Variants in PCNX2 observed in about 807,000 individuals in gnomAD.
PCNX2 encodes the protein pecanex-like protein 2.
A neutral mutation model predicts 223.8 loss-of-function variants in PCNX2; 168 were observed. The ratio of observed to expected loss-of-function variants is 0.75; its 90% CI spans 0.66 to 0.85. The LOEUF (loss-of-function observed/expected upper bound fraction) is 0.85. Among genes scored for constraint, PCNX2 ranks in the 40% least tolerant of loss-of-function variants. The probability of loss-of-function intolerance (pLI) is 0.00; values close to 1 mark genes in which losing one functional copy is unlikely to be tolerated. For synonymous variants in PCNX2, 1,006 were observed against 1,052.6 expected, an observed-to-expected ratio of 0.96 and a Z score of 0.86; for missense variants, 2,507 against 2,675.5, an observed-to-expected ratio of 0.94 and a Z score of 1.39.
At chr1:233,131,733 CT>C (rs201884726) in intron 21 of PCNX2, among the ~76,000 whole-genome samples, 23 of 151,206 alleles carry the variant, frequency 1.5e-4, no homozygotes, top group Non-Finnish European at 3.0e-4. Context: ...ACTAATTTTT[CT>C]TTTTTTTTGA....
intron 32 of PCNX2, among the ~76,000 whole-genome samples, chr1:232,989,819 TAATC>T (rs1004483221): frequency 6.6e-6 from 1 of 151,676 alleles, no homozygotes; most frequent in African/African-American, 2.4e-5. Flanking sequence ...TTCAAAAAAT[TAATC>T]AATATCTTGA....
At chr1:233,120,683 T>G (rs1382022191) in intron 21 of PCNX2, among the ~76,000 whole-genome samples, 2 of 152,272 alleles carry the variant, frequency 1.3e-5, no homozygotes, top group Admixed American at 1.3e-4. Context: ...TCCCCAAAAG[T>G]TATATATTGT....
At chr1:233,098,828 T>G (rs1159733481) in intron 21 of PCNX2, among the ~76,000 whole-genome samples, 1 of 152,224 alleles carries the variant, frequency 6.6e-6, no homozygotes, top group African/African-American at 2.4e-5. Flanking sequence ...TTTCTGGATC[T>G]ATAAAATGGC....
intron 19 of PCNX2, among the ~76,000 whole-genome samples, chr1:233,140,691 G>GT (rs1677053336): frequency 6.6e-6 from 1 of 152,210 alleles, no homozygotes; most frequent in Non-Finnish European, 1.5e-5. Flanking sequence ...AGCAGCTGGC[G>GT]TGAGTGGTCA....
chr1:233,277,554 G>C (rs1660979542), intron 1 of PCNX2, among the ~76,000 whole-genome samples: 1 of 149,866 alleles, frequency 6.7e-6, no homozygotes, highest in Non-Finnish European at 1.5e-5. Flanking sequence ...CATCGGTAAA[G>C]TAGTATTTAA....
intron 5 of PCNX2, among the ~76,000 whole-genome samples, chr1:233,255,021 G>A (rs1012790994): frequency 6.6e-6 from 1 of 152,042 alleles, no homozygotes; most frequent in Non-Finnish European, 1.5e-5. Flanking sequence ...ATTCATAAAC[G>A]TAGAACTCTG....
At chr1:233,284,493 C>T (rs1353369323) in intron 1 of PCNX2, among the ~76,000 whole-genome samples, 1 of 152,158 alleles carries the variant, frequency 6.6e-6, no homozygotes, top group African/African-American at 2.4e-5. Flanking sequence ...GAAGCCTTCC[C>T]TAAGTACTAA....
chr1:233,054,207 TG>T, intron 25 of PCNX2, 60 bp downstream of exon 25: 1 of 1,472,036 alleles, frequency 6.8e-7, no homozygotes, highest in Non-Finnish European at 9.3e-7. Flanking sequence ...CCTAAAGTTT[TG>T]CTTGATAATT....
intron 32 of PCNX2, among the ~76,000 whole-genome samples, chr1:232,987,452 A>G (rs1249042567): frequency 6.6e-6 from 1 of 152,246 alleles, no homozygotes; most frequent in Non-Finnish European, 1.5e-5. Flanking sequence ...ATTGCAAAAT[A>G]TCATTTTGAT....
At chr1:233,246,853 C>T (rs1659154411) in intron 8 of PCNX2, among the ~76,000 whole-genome samples, 1 of 152,174 alleles carries the variant, frequency 6.6e-6, no homozygotes, top group African/African-American at 2.4e-5. Context: ...TTCAGAAATT[C>T]AAAAATCTAA....
intron 12 of PCNX2, among the ~76,000 whole-genome samples, chr1:233,214,668 A>G (rs1237077751): frequency 6.6e-6 from 1 of 152,206 alleles, no homozygotes; most frequent in Non-Finnish European, 1.5e-5. Context: ...GTGTAAGCAA[A>G]TTAATATCTT....
At chr1:233,064,982 A>T (rs1280076506) in intron 23 of PCNX2, among the ~76,000 whole-genome samples, 1 of 152,126 alleles carries the variant, frequency 6.6e-6, no homozygotes, top group East Asian at 1.9e-4. Context: ...AAAGTAATTA[A>T]TTATTAAGTT....
At chr1:233,292,198 CTTTCTTTTTTTTTTTTTTT>C (rs1661806668) in intron 1 of PCNX2, among the ~76,000 whole-genome samples, 1 of 134,356 alleles carries the variant, frequency 7.4e-6, no homozygotes, top group African/African-American at 2.9e-5. Flanking sequence ...TTCTTTCTTT[CTTTCTTTTTTTTTTTTTTT>C]TTTTTTTGAG....
chr1:233,134,531 A>AG (rs1676693233), intron 21 of PCNX2, among the ~76,000 whole-genome samples: 1 of 152,074 alleles, frequency 6.6e-6, no homozygotes, highest in African/African-American at 2.4e-5. Context: ...TTATCTCAAG[A>AG]GGAAAAAGAA....
intron 10 of PCNX2, among the ~76,000 whole-genome samples, chr1:233,221,321 G>T (rs1189200357): frequency 6.6e-6 from 1 of 151,724 alleles, no homozygotes; most frequent in African/African-American, 2.4e-5. Flanking sequence ...TGAAATTCAT[G>T]ATCTCATAAC....
At chr1:233,292,883 G>C (rs1224363982) in intron 1 of PCNX2, among the ~76,000 whole-genome samples, 1 of 152,066 alleles carries the variant, frequency 6.6e-6, no homozygotes, top group Non-Finnish European at 1.5e-5. Context: ...TTCTATAATA[G>C]TTAAAGGCAT....
intron 1 of PCNX2, among the ~76,000 whole-genome samples, chr1:233,269,623 G>C (rs1660525505): frequency 6.6e-6 from 1 of 152,128 alleles, no homozygotes; most frequent in South Asian, 2.1e-4. Flanking sequence ...CATCAATGTG[G>C]TTAAAGTAAA....
At chr1:233,028,604 A>C (rs925668386) in intron 25 of PCNX2, among the ~76,000 whole-genome samples, 5 of 152,176 alleles carry the variant, frequency 3.3e-5, no homozygotes, top group Non-Finnish European at 5.9e-5. Flanking sequence ...ATAGCACAAA[A>C]CAAATAGGTG....
At chr1:233,199,558 T>C (rs1236800764) in intron 14 of PCNX2, among the ~76,000 whole-genome samples, 2 of 152,126 alleles carry the variant, frequency 1.3e-5, no homozygotes, top group African/African-American at 4.8e-5. Flanking sequence ...GGTTATGATG[T>C]TTATTTCCAT....
Sources: gnomAD v4.1 joint callset for allele counts (sites outside exome capture counted in the v4.1 genomes callset) on GRCh38, gnomAD v4.1.1 for gene constraint, MANE v1.5 for transcripts, NCBI Gene and HGNC (gene_info 2026-07-23, HGNC 2026-07-21) for gene names.